CNTNAP2: variants seen among roughly 807,000 people sequenced by gnomAD.
The protein encoded by CNTNAP2 is contactin-associated protein-like 2.
A neutral mutation model predicts 155.2 loss-of-function variants in CNTNAP2; 98 were observed. The ratio of observed to expected loss-of-function variants is 0.63; its 90% CI spans 0.54 to 0.75. The LOEUF is 0.75. Among genes scored for constraint, CNTNAP2 ranks in the 30% least tolerant of loss-of-function variants. CNTNAP2 has a pLI of 0.00. For synonymous variants in CNTNAP2, 651 were observed against 631.2 expected (o/e 1.03, Z -0.47); for missense variants, 1,727 against 1,688.1 (o/e 1.02, Z -0.40).
chr7:147,104,280 A>G (rs563694220), intron 4 of CNTNAP2, among the ~76,000 whole-genome samples: 17 of 152,192 alleles, frequency 1.1e-4, no homozygotes, highest in African/African-American at 3.8e-4. Flanking sequence ...AAGAAGTTGG[A>G]CATTTAACTA....
At chr7:146,228,808 C>T (rs1221476272) in intron 1 of CNTNAP2, among the ~76,000 whole-genome samples, 8 of 152,048 alleles carry the variant, frequency 5.3e-5, no homozygotes, top group African/African-American at 9.7e-5. Context: ...ATTGAGCATA[C>T]GGACAAATTT....
At chr7:148,183,869 A>G (rs17170872) in intron 18 of CNTNAP2, among the ~76,000 whole-genome samples, 63,614 of 152,004 alleles carry the variant, frequency 0.42, 14,477 homozygotes, top group Non-Finnish European at 0.5. Context: ...TAGCTTAACT[A>G]TTTTTCAAAT....
chr7:146,944,447 G>A (rs1467522167), intron 3 of CNTNAP2, among the ~76,000 whole-genome samples: 2 of 151,944 alleles, frequency 1.3e-5, no homozygotes, highest in African/African-American at 2.4e-5. Context: ...ACAACCTACT[G>A]TAGTTATAAA....
At chr7:146,543,394 A>T (rs1797982756) in intron 1 of CNTNAP2, among the ~76,000 whole-genome samples, 1 of 151,806 alleles carries the variant, frequency 6.6e-6, no homozygotes, top group Non-Finnish European at 1.5e-5. Flanking sequence ...ACCCAAGAAC[A>T]TTCCCTCATT....
chr7:147,447,854 A>T (rs1797766684), intron 10 of CNTNAP2, among the ~76,000 whole-genome samples: 1 of 152,030 alleles, frequency 6.6e-6, no homozygotes, highest in African/African-American at 2.4e-5. Context: ...TATGGAAATT[A>T]AATTATAAAT....
chr7:147,383,990 T>C (rs1233967185), intron 9 of CNTNAP2, among the ~76,000 whole-genome samples: 2 of 152,110 alleles, frequency 1.3e-5, no homozygotes, highest in Non-Finnish European at 2.9e-5. Flanking sequence ...AAAAAATTTA[T>C]AGAAAAATTT....
At chr7:146,588,518 A>AT (rs72034206) in intron 1 of CNTNAP2, among the ~76,000 whole-genome samples, 188 of 140,562 alleles carry the variant, frequency 1.3e-3, no homozygotes, top group African/African-American at 3.3e-3. Context: ...TATTATATGT[A>AT]TTTTTTTTTT....
chr7:147,432,363 G>C (rs1414942893), intron 10 of CNTNAP2, among the ~76,000 whole-genome samples: 2 of 152,126 alleles, frequency 1.3e-5, no homozygotes, highest in Non-Finnish European at 2.9e-5. Context: ...GAGAATCGCA[G>C]CTTTAGAAGG....
At chr7:147,332,915 A>G (rs549465001) in intron 9 of CNTNAP2, among the ~76,000 whole-genome samples, 6 of 152,226 alleles carry the variant, frequency 3.9e-5, no homozygotes, top group African/African-American at 1.2e-4. Flanking sequence ...ATTTATTTAT[A>G]TAGGTGGATT....
chr7:146,835,134 A>C (rs1436518158), intron 2 of CNTNAP2, among the ~76,000 whole-genome samples: 1 of 152,180 alleles, frequency 6.6e-6, no homozygotes, highest in African/African-American at 2.4e-5. Context: ...AATAAATTCT[A>C]TTTTGCTAAA....
chr7:148,146,992 C>T (rs578119172), intron 16 of CNTNAP2, among the ~76,000 whole-genome samples: 1 of 152,300 alleles, frequency 6.6e-6, no homozygotes, highest in East Asian at 1.9e-4. Flanking sequence ...TCTTGACCAA[C>T]TGAGTCCAAA....
At chr7:147,498,615 A>G (rs13228685) in intron 11 of CNTNAP2, among the ~76,000 whole-genome samples, 1 of 152,254 alleles carries the variant, frequency 6.6e-6, no homozygotes, top group South Asian at 2.1e-4. Context: ...AGTAATCAAG[A>G]AAAATGTTTA....
chr7:146,765,582 A>T (rs1042954149), intron 1 of CNTNAP2, among the ~76,000 whole-genome samples: 3 of 152,180 alleles, frequency 2.0e-5, no homozygotes, highest in South Asian at 2.1e-4. Flanking sequence ...CTCTGGGAAT[A>T]GAGAGTGGAC....
At chr7:147,947,833 C>A (rs374160873) in intron 14 of CNTNAP2, among the ~76,000 whole-genome samples, 21 of 152,232 alleles carry the variant, frequency 1.4e-4, no homozygotes, top group Admixed American at 3.9e-4. Context: ...AAGAACTCCT[C>A]ACAATGCAAA....
chr7:147,081,393 T>G (rs1332516380), intron 4 of CNTNAP2: 1 of 149,506 alleles, frequency 6.7e-6, no homozygotes, highest in Non-Finnish European at 1.5e-5. Context: ...TCCCAACCAC[T>G]CATCACTTAA....
chr7:146,776,459 C>T (rs950584105), intron 2 of CNTNAP2, among the ~76,000 whole-genome samples: 3 of 152,128 alleles, frequency 2.0e-5, no homozygotes, highest in Non-Finnish European at 4.4e-5. Context: ...GAAATTGTGG[C>T]CACATGACTG....
chr7:147,723,696 T>G lies in CNTNAP2; in HGVS notation c.2098+84390T>G, dbSNP rs138842126. Among the ~76,000 whole-genome samples, 284 of 152,066 alleles carry G rather than the reference T, an allele frequency of 1.9e-3. 4 individuals are homozygous for G. Among genetic ancestry groups the G allele is most frequent in the Non-Finnish European group, 6.8e-4 (46 of 67,950 alleles). ...TTGCCAGCTTTTCATATCACAAGCA[T>G]TTTGGTCCAACTCACTTCACCTCAT... On this transcript the variant is annotated intron_variant, in intron 13 of 23. Coordinates refer to ENST00000361727, the MANE Select transcript of CNTNAP2 (RefSeq NM_014141.6).
At chr7:147,728,779 C>T (rs1796686556) in intron 13 of CNTNAP2, among the ~76,000 whole-genome samples, 3 of 151,784 alleles carry the variant, frequency 2.0e-5, no homozygotes, top group Admixed American at 2.0e-4. Flanking sequence ...AAAGTGATTT[C>T]TTTTAGTTTT....
At chr7:146,705,821 C>G (rs943203207) in intron 1 of CNTNAP2, among the ~76,000 whole-genome samples, 3 of 152,052 alleles carry the variant, frequency 2.0e-5, no homozygotes, top group Admixed American at 6.6e-5. Flanking sequence ...TGGCCTCGCA[C>G]TTGACACATA....
Sources: allele counts gnomAD v4.1 joint callset (sites outside exome capture counted in the v4.1 genomes callset), GRCh38; gene constraint gnomAD v4.1.1; transcripts MANE v1.5; gene names NCBI Gene and HGNC (gene_info 2026-07-23, HGNC 2026-07-21).